NFAM1: variants seen among roughly 807,000 people sequenced by gnomAD.
NFAM1 encodes NFAT activation molecule 1.
NFAM1 carries 17 observed loss-of-function variants against 29.0 expected under a neutral mutation model. The observed-to-expected ratio is 0.59, with a 90% CI of 0.40 to 0.88. NFAM1 has a LOEUF of 0.88. NFAM1 is among the 40% of genes least tolerant of loss of function. NFAM1 has a pLI of 0.00. For synonymous variants in NFAM1, 175 were observed against 147.2 expected (o/e 1.19, Z -1.36); for missense variants, 324 against 344.6 (o/e 0.94, Z 0.47).
At chr22:42,408,554 G>A (rs953021644) in intron 3 of NFAM1, among the ~76,000 whole-genome samples, 4 of 152,226 alleles carry the variant, frequency 2.6e-5, no homozygotes, top group African/African-American at 9.6e-5. Context: ...CCTGAGCCTG[G>A]GAGAACCTGG....
intron 4 of NFAM1, among the ~76,000 whole-genome samples, chr22:42,391,508 A>G (rs941630157): frequency 6.6e-6 from 1 of 152,176 alleles, no homozygotes; most frequent in African/African-American, 2.4e-5. Flanking sequence ...TACGTTTTGA[A>G]GCAAGATTTG....
chr22:42,436,738 T>G (rs988702530), upstream of NFAM1, among the ~76,000 whole-genome samples: 1 of 152,248 alleles, frequency 6.6e-6, no homozygotes, highest in Admixed American at 6.5e-5. Context: ...GGAGGTGTTA[T>G]GACTGCTCCT....
intron 1 of NFAM1, among the ~76,000 whole-genome samples, chr22:42,428,683 C>G (rs1930703547): frequency 6.6e-6 from 1 of 152,194 alleles, no homozygotes; most frequent in Non-Finnish European, 1.5e-5. Flanking sequence ...TTGTTCACGT[C>G]TGGGTCCCTC....
At chr22:42,395,826 T>C (rs970698566) in intron 4 of NFAM1, among the ~76,000 whole-genome samples, 1 of 142,846 alleles carries the variant, frequency 7.0e-6, no homozygotes, top group Non-Finnish European at 1.5e-5. Context: ...GAGCTTGCAG[T>C]GAGCCAAGAT....
rs985093383 is a variant in NFAM1, at chr22:42,388,639, C to T, written c.664-1561G>A. ...GTGGTGCTCAGAGGCAGGAGGAGGG[C>T]GGGAGGCGGGAGGGAAGGAGGGAGG... is the stretch of plus-strand genomic sequence containing the variant. On this transcript the variant is annotated intron_variant, in intron 4 of 5. Transcript: ENST00000329021. The surrounding 1 kb of genome is among the most constrained non-coding windows in gnomAD (Gnocchi z 4.1). Among the ~76,000 whole-genome samples the T allele has an allele frequency of 5.1e-5, 7 of 138,134 alleles. No homozygotes were observed. The South Asian group carries it at 8.1e-4, about 16-fold the overall frequency. The allele number at this position is 138,134 out of a possible 152,430, so 90.6% of individuals were successfully genotyped here. A position where few individuals can be genotyped will look rare whatever the true frequency, so the allele number is the denominator to read the frequency against.
At chr22:42,402,491 G>A (rs974520165) in intron 3 of NFAM1, among the ~76,000 whole-genome samples, 3 of 152,218 alleles carry the variant, frequency 2.0e-5, no homozygotes, top group African/African-American at 7.2e-5. Context: ...AGGGGCCCGG[G>A]ATGTGCCAGA....
chr22:42,406,695 C>T (rs920110892), intron 3 of NFAM1, among the ~76,000 whole-genome samples: 14 of 152,210 alleles, frequency 9.2e-5, no homozygotes, highest in African/African-American at 1.7e-4. Flanking sequence ...CTGATATATA[C>T]GACCTACTCA....
At chr22:42,422,052 A>G (rs1328982636) in intron 1 of NFAM1, among the ~76,000 whole-genome samples, 2 of 152,208 alleles carry the variant, frequency 1.3e-5, no homozygotes, top group Non-Finnish European at 2.9e-5. Flanking sequence ...CGGAGCTTTT[A>G]GCACCGTTGC....
At position 42,425,712 on chromosome 22, in the gene NFAM1, T is replaced by A. The variant is rs1206087729; in HGVS notation, c.121+6525A>T. Among the ~76,000 whole-genome samples, 3 of 152,198 alleles carry A rather than the reference T, an allele frequency of 2.0e-5. 1 individual carries two copies. The highest frequency in any genetic ancestry group is 4.4e-5 in the Non-Finnish European group (3 of 68,040). ...CCTCTCTCTTTGACCTTCCCTCCTCTTCCCCTCCACGCCCAGCCTTCCTGA... is the reference window on the plus strand; with the variant it reads ...CCTCTCTCTTTGACCTTCCCTCCTCATCCCCTCCACGCCCAGCCTTCCTGA... On this transcript the variant is annotated intron_variant, in intron 1 of 5. Coordinates refer to ENST00000329021, the MANE Select transcript of NFAM1 (RefSeq NM_145912.8).
intron 4 of NFAM1, among the ~76,000 whole-genome samples, chr22:42,390,579 G>A (rs1334512443): frequency 6.6e-6 from 1 of 152,190 alleles, no homozygotes; most frequent in Non-Finnish European, 1.5e-5. Flanking sequence ...CACTTTGGGA[G>A]GCTGAGGAGG....
rs1044796792 is a variant in NFAM1 at position 42,388,980 on chromosome 22, C to G, written c.664-1902G>C. Among the ~76,000 whole-genome samples the G allele has an allele frequency of 6.6e-6, 1 of 152,202 alleles. No homozygotes were observed. The highest frequency in any genetic ancestry group is 1.5e-5 in the Non-Finnish European group (1 of 68,024). ...CCAGCCACCCCAGCTGGTCTGGCAC[C>G]CAGGATGGGAATGTTCCTCTGTGGT... On this transcript the variant is annotated intron_variant, in intron 4 of 5. Transcript: ENST00000329021. The surrounding 1 kb of genome is among the most constrained non-coding windows in gnomAD (Gnocchi z 4.1).
chr22:42,425,909 G>C (rs527576717), intron 1 of NFAM1, among the ~76,000 whole-genome samples: 1 of 152,178 alleles, frequency 6.6e-6, no homozygotes, highest in Non-Finnish European at 1.5e-5. Flanking sequence ...GAACACCTTG[G>C]GGGAGAGGGA....
At chr22:42,416,596 G>C (rs1930267670) in intron 1 of NFAM1, among the ~76,000 whole-genome samples, 1 of 152,208 alleles carries the variant, frequency 6.6e-6, no homozygotes, top group African/African-American at 2.4e-5. Context: ...GAGACCACGG[G>C]GTCACAGAAG....
In NFAM1 at chr22:42,387,212, G is replaced by A. The variant is rs1929180243; in HGVS notation, c.664-134C>T. The A allele has an allele frequency of 9.6e-6, 5 of 521,552 alleles. No individual in the cohort carries two copies. The East Asian group carries it at 1.4e-4, about 14-fold the overall frequency. 32.3% of individuals were successfully genotyped at this position (521,552 alleles called of 1,614,324 possible). A position where few individuals can be genotyped will look rare whatever the true frequency, so the allele number is the denominator to read the frequency against. Reference sequence around the variant, plus strand: ...GAGGGTGAAGCCCAGCCACACCTTTGCACCTGCCACCCCCTTTCCCAGAGT... The same window carrying A: ...GAGGGTGAAGCCCAGCCACACCTTTACACCTGCCACCCCCTTTCCCAGAGT... On this transcript the variant is annotated intron_variant, in intron 4 of 5. Transcript: ENST00000329021.
At chr22:42,429,193 A>T (rs1293536114) in intron 1 of NFAM1, among the ~76,000 whole-genome samples, 1 of 152,180 alleles carries the variant, frequency 6.6e-6, no homozygotes, top group Non-Finnish European at 1.5e-5. Context: ...GACTAATGAC[A>T]TACTGGGCAC....
Position 42,385,230 on chromosome 22 carries a change from AAAG to A in NFAM1, c.754-13_754-11del. The stretch of plus-strand genomic sequence containing the variant: ...ATCTATGCGGTCTCTCCTGGATAGA[AAAG>A]AAGAAAGGGAGGGAAGGAGAGAAAG... On this transcript the variant is annotated splice_polypyrimidine_tract_variant and intron_variant, in intron 5 of 5. Coordinates refer to ENST00000329021, the MANE Select transcript of NFAM1 (RefSeq NM_145912.8). 3 of 1,584,578 alleles carry A rather than the reference AAAG, an allele frequency of 1.9e-6. No individual in the cohort carries two copies. The highest frequency in any genetic ancestry group is 1.7e-4 in the Middle Eastern group (1 of 5,998).
At chr22:42,418,080 C>T (rs1279631133) in intron 1 of NFAM1, among the ~76,000 whole-genome samples, 1 of 152,214 alleles carries the variant, frequency 6.6e-6, no homozygotes, top group Non-Finnish European at 1.5e-5. Flanking sequence ...GGAAGTCCCT[C>T]CCACACTGTG....
At chr22:42,405,551 G>C (rs929527619) in intron 3 of NFAM1, among the ~76,000 whole-genome samples, 1 of 152,232 alleles carries the variant, frequency 6.6e-6, no homozygotes, top group African/African-American at 2.4e-5. Context: ...TCGGGGGCGT[G>C]CAAGAAAGGC....
chr22:42,432,605 G>A (rs563742309), upstream of NFAM1, among the ~76,000 whole-genome samples: 2 of 152,278 alleles, frequency 1.3e-5, no homozygotes, highest in Admixed American at 1.3e-4. Flanking sequence ...CCAACCCCTG[G>A]TGGGCTTCAC....
Sources: allele counts gnomAD v4.1 joint callset (sites outside exome capture counted in the v4.1 genomes callset), GRCh38; gene constraint gnomAD v4.1.1; non-coding constraint Gnocchi (gnomAD v3.1); transcripts MANE v1.5; gene names NCBI Gene and HGNC (gene_info 2026-07-23, HGNC 2026-07-21).